METTL4: variants seen among roughly 807,000 people sequenced by gnomAD.
METTL4 encodes methyltransferase 4, N6-adenosine.
In METTL4, 40 loss-of-function variants were observed where a neutral mutation model predicts 54.0. That is an observed-to-expected ratio of 0.74 (90% confidence interval 0.58 to 0.96). METTL4 has a LOEUF of 0.96. METTL4 is among the 50% of genes least tolerant of loss of function. The pLI is 0.00. For synonymous variants in METTL4, 169 were observed against 183.8 expected (o/e 0.92, Z 0.65); for missense variants, 525 against 549.0 (o/e 0.96, Z 0.44).
At chr18:2,571,030 C>T (rs558707795) in intron 1 of METTL4, 119 bp downstream of exon 1, 2 of 152,434 alleles carry the variant, frequency 1.3e-5, no homozygotes, top group African/African-American at 4.8e-5. Context: ...GGTCAGCCAC[C>T]ACCAGAGGAC....
rs201213742 is a variant in METTL4, at chr18:2,554,950, T to C, written c.548A>G (p.Asp183Gly). ...GFLYPLFEKQDKGSKPITLPL... is the reference protein window; with the variant it reads ...GFLYPLFEKQGKGSKPITLPL... ...TAAAGTAATGGGCTTACTACCCTTG[T>C]CCTGTTTTTCAAAAAGTGGATAAAG... Residue 183 changes from aspartate (D) to glycine (G), a missense_variant, in exon 4 of 9, where the codon GAC (aspartate) becomes GGC (glycine). Physicochemically the swap from Asp to Gly is moderately conservative, Grantham distance 94. Coordinates refer to ENST00000574538, the MANE Select transcript of METTL4 (RefSeq NM_022840.5). The C allele has an allele frequency of 6.8e-6, 11 of 1,614,088 alleles. No homozygotes were observed. Among genetic ancestry groups the C allele is most frequent in the Non-Finnish European group, 9.3e-6 (11 of 1,179,942 alleles).
At chr18:2,544,048 T>C in intron 8 of METTL4, 147 bp downstream of exon 8, 1 of 533,766 alleles carries the variant, frequency 1.9e-6, no homozygotes, top group South Asian at 3.1e-5. Flanking sequence ...CAAATTCTGC[T>C]ATGAATTCTG....
At chr18:2,563,182 T>G (rs1258405748) in intron 3 of METTL4, among the ~76,000 whole-genome samples, 1 of 152,214 alleles carries the variant, frequency 6.6e-6, no homozygotes, top group East Asian at 1.9e-4. Flanking sequence ...CTTAATATAT[T>G]GTTTTATCTA....
At chr18:2,540,537 AAAG>A (rs533364986) in intron 8 of METTL4, 3 of 985,444 alleles carry the variant, frequency 3.0e-6, no homozygotes, top group South Asian at 4.7e-5. Flanking sequence ...AGCAAAAATC[AAAG>A]AAGAATTAAA....
chr18:2,545,754 A>C (rs1278468840), intron 6 of METTL4, among the ~76,000 whole-genome samples: 1 of 152,074 alleles, frequency 6.6e-6, no homozygotes, highest in African/African-American at 2.4e-5. Flanking sequence ...TATCCTACAA[A>C]AAGTGCTGTA....
chr18:2,568,916 C>T (rs2072461988), intron 1 of METTL4: 2 of 228,704 alleles, frequency 8.7e-6, no homozygotes, highest in South Asian at 7.5e-5. Flanking sequence ...GACCTAAATA[C>T]CCAGCAGCAC....
At chr18:2,566,081 A>T (rs1182565174) in intron 2 of METTL4, among the ~76,000 whole-genome samples, 1 of 149,814 alleles carries the variant, frequency 6.7e-6, no homozygotes, top group Non-Finnish European at 1.5e-5. Context: ...AAATAAATAA[A>T]TAAATAAATA....
rs1414002447 is a variant in METTL4, at chr18:2,566,826, C to CA, written c.390dup (p.Gly131TrpfsTer5). ...TATTTCTTAAAACTTTCTACCTTCC[C>CA]AATAATAGAAATGGAGATTTCTTTT... On this transcript the variant is annotated frameshift_variant, in exon 2 of 9. Coordinates refer to ENST00000574538, the MANE Select transcript of METTL4 (RefSeq NM_022840.5). LOFTEE classifies it high-confidence loss of function. 10 of 1,552,904 alleles carry CA rather than the reference C, an allele frequency of 6.4e-6. No individual in the cohort carries two copies. The highest frequency in any genetic ancestry group is 5.2e-6 in the Non-Finnish European group (6 of 1,149,392).
chr18:2,540,895 C>CA lies in METTL4; in HGVS notation c.1274-1751dup, dbSNP rs1025199752. On this transcript the variant is annotated intron_variant, in intron 8 of 8. Transcript: ENST00000574538. Reference sequence around the variant, plus strand: ...GAAATTTAAACTGGAGTCAGCCAGTCAAAAATGTTTCCTCTTCTGAGCACC... The same window carrying CA: ...GAAATTTAAACTGGAGTCAGCCAGTCAAAAAATGTTTCCTCTTCTGAGCACC... 9.1e-6 allele frequency: 9 copies of CA among 985,354 alleles called. No individual in the cohort carries two copies. In the African/African-American group the frequency reaches 1.6e-4, roughly 17 times the overall value. 61.0% of individuals were successfully genotyped at this position (985,354 alleles called of 1,614,324 possible). A position where few individuals can be genotyped will look rare whatever the true frequency, so the allele number is the denominator to read the frequency against.
At chr18:2,549,275 C>T (rs193006866) in intron 5 of METTL4, among the ~76,000 whole-genome samples, 1 of 152,174 alleles carries the variant, frequency 6.6e-6, no homozygotes, top group Non-Finnish European at 1.5e-5. Flanking sequence ...TACCAATTAT[C>T]CCCTCCTTCT....
rs2072035730 is a variant in METTL4 at position 2,544,223 on chromosome 18, A to C, written c.1245T>G (p.Thr415=). The change falls in exon 8 of 9, where the codon ACT becomes ACG. Residue 415 remains threonine, a synonymous_variant. Transcript: ENST00000574538. ...CAAGCGGTGGCTTATGTGAGTGAAGAGTACAGGGCACGCTGACAATTAATT... is the reference window on the plus strand; with the variant it reads ...CAAGCGGTGGCTTATGTGAGTGAAGCGTACAGGGCACGCTGACAATTAATT... The part of the protein sequence containing the change: ...DHKLIVSVPC[T]LHSHKPPLAE... 1 of 1,611,558 alleles carries C rather than the reference A, an allele frequency of 6.2e-7. No homozygotes were observed. The highest frequency in any genetic ancestry group is 8.5e-7 in the Non-Finnish European group (1 of 1,179,162).
rs143395336 is a variant in METTL4, at chr18:2,566,046, C to CAAAAAATAAAT, written c.396+774_396+775insATTTATTTTTT. Among the ~76,000 whole-genome samples the CAAAAAATAAAT allele has an allele frequency of 3.5e-3, 292 of 82,892 alleles. 5 individuals are homozygous for CAAAAAATAAAT. The highest frequency in any genetic ancestry group is 4.9e-3 in the Non-Finnish European group (190 of 39,108). 54.4% of individuals were successfully genotyped at this position (82,892 alleles called of 152,430 possible). A position where few individuals can be genotyped will look rare whatever the true frequency, so the allele number is the denominator to read the frequency against. On this transcript the variant is annotated intron_variant, in intron 2 of 8. Coordinates refer to ENST00000574538, the MANE Select transcript of METTL4 (RefSeq NM_022840.5). ...TGGGTGACAGAGCAAGACTCTGTCT[C>CAAAAAATAAAT]AAATAAATAAATAAATAAATAAATA...
chr18:2,547,270 A>C (rs536199279), intron 6 of METTL4, 85 bp downstream of exon 6: 1 of 1,087,096 alleles, frequency 9.2e-7, no homozygotes, highest in East Asian at 2.6e-5. Flanking sequence ...TACAGCAGTG[A>C]CATGTTGAGC....
At chr18:2,564,937 T>G (rs920694575) in intron 2 of METTL4, among the ~76,000 whole-genome samples, 4 of 152,220 alleles carry the variant, frequency 2.6e-5, no homozygotes, top group African/African-American at 9.6e-5. Context: ...CGGACAATGC[T>G]AAATATTTTC....
chr18:2,565,136 G>A (rs767839539), intron 2 of METTL4, among the ~76,000 whole-genome samples: 19 of 152,066 alleles, frequency 1.2e-4, no homozygotes, highest in East Asian at 5.8e-4. Flanking sequence ...AAAATTGGCC[G>A]GGTATGGTGG....
intron 3 of METTL4, among the ~76,000 whole-genome samples, chr18:2,559,215 A>C (rs529531125): frequency 6.6e-6 from 1 of 152,388 alleles, no homozygotes; most frequent in African/African-American, 2.4e-5. Context: ...GAAACTACGC[A>C]AAAGTCCATA....
chr18:2,549,428 G>C (rs1206208063), intron 5 of METTL4, among the ~76,000 whole-genome samples: 1 of 152,156 alleles, frequency 6.6e-6, no homozygotes, highest in African/African-American at 2.4e-5. Context: ...GGGGAGGAGA[G>C]GAGAAAGAAG....
rs760444896 is a variant in METTL4, at chr18:2,537,918, G to A, written c.*1082C>T. Reference sequence around the variant, plus strand: ...CCAGGGGCCAAGGATAGGAGCAGGGGATTGACTGCAAAAGGAAAAATGAGA... The same window carrying A: ...CCAGGGGCCAAGGATAGGAGCAGGGAATTGACTGCAAAAGGAAAAATGAGA... On this transcript the variant is annotated 3_prime_UTR_variant, in exon 9 of 9. Coordinates refer to ENST00000574538, the MANE Select transcript of METTL4 (RefSeq NM_022840.5). 2.0e-4 allele frequency: 81 copies of A among 398,408 alleles called. No individual in the cohort carries two copies. The highest frequency in any genetic ancestry group is 1.2e-3 in the Admixed American group (28 of 22,708). The allele number at this position is 398,408 out of a possible 1,614,324, so 24.7% of individuals were successfully genotyped here.
chr18:2,552,914 A>G, intron 4 of METTL4, 150 bp from the exon 5 acceptor site: 1 of 572,334 alleles, frequency 1.7e-6, no homozygotes, highest in East Asian at 2.9e-5. Flanking sequence ...TTATTCAAAC[A>G]GAGTAATTTA....
Sources: allele counts gnomAD v4.1 joint callset (sites outside exome capture counted in the v4.1 genomes callset), GRCh38; gene constraint gnomAD v4.1.1; transcripts MANE v1.5; gene names NCBI Gene and HGNC (gene_info 2026-07-23, HGNC 2026-07-21).